GGA3: variants seen among roughly 807,000 people sequenced by gnomAD.
GGA3 encodes the protein golgi associated, gamma adaptin ear containing, ARF binding protein 3.
GGA3 carries 57 observed loss-of-function variants against 77.5 expected under a neutral mutation model. That is an observed-to-expected ratio of 0.74 (90% CI 0.59 to 0.92). The LOEUF (loss-of-function observed/expected upper bound fraction) is 0.92. GGA3 is among the 40% of genes least tolerant of loss of function. GGA3 has a pLI of 0.00. For synonymous variants in GGA3, 416 were observed against 383.7 expected, an observed-to-expected ratio of 1.08 and a Z score of -0.98; for missense variants, 970 against 914.9, an observed-to-expected ratio of 1.06 and a Z score of -0.78.
At chr17:75,238,507 A>C in intron 16 of GGA3, 118 bp from the exon 17 acceptor site, 1 of 992,764 alleles carries the variant, frequency 1.0e-6, no homozygotes, top group Non-Finnish European at 1.5e-6. Flanking sequence ...ACCCCCAACC[A>C]TGCTCAGACA....
In GGA3 at chr17:75,241,452, T is replaced by C. The variant is rs1598397232; in HGVS notation, c.894A>G (p.Glu298=). ...RVINSYKTII[E]GQVINGEVAT... Reference sequence around the variant, plus strand: ...CCACCTCGCCATTGATGACCTGCCCTTCAATAATTGTTTTGTAAGAGTTGA... The same window carrying C: ...CCACCTCGCCATTGATGACCTGCCCCTCAATAATTGTTTTGTAAGAGTTGA... The change falls in exon 10 of 17, where the codon GAA becomes GAG. Residue 298 remains glutamate (E), a synonymous_variant. Coordinates refer to ENST00000537686, the MANE Select transcript of GGA3 (RefSeq NM_138619.4). 6.2e-7 allele frequency: 1 copy of C among 1,614,012 alleles called. No individual in the cohort carries two copies. The highest frequency in any genetic ancestry group is 8.5e-7 in the Non-Finnish European group (1 of 1,179,880).
At chr17:75,240,458 G>A in intron 11 of GGA3, 46 bp from the exon 12 acceptor site, 1 of 1,305,978 alleles carries the variant, frequency 7.7e-7, no homozygotes, top group Non-Finnish European at 1.1e-6. Context: ...TCTGAGCTAG[G>A]CAGCCCTAGC....
chr17:75,262,010 G>A (rs1310369047), upstream of GGA3: 4 of 1,600,512 alleles, frequency 2.5e-6, no homozygotes, highest in Non-Finnish European at 3.4e-6. Flanking sequence ...CAGCGGCGGG[G>A]GGGCGCTGCG....
Position 75,237,745 on chromosome 17 carries a change from A to G in GGA3, c.*534T>C. On this transcript the variant is annotated 3_prime_UTR_variant, in exon 17 of 17. Transcript: ENST00000537686. ...GGACTTTGCAGTATGCCAGTTCCTT[A>G]TTCTGGGCCAGGCACCTTCCTGGGC... 7.0e-7 allele frequency: 1 copy of G among 1,431,042 alleles called. No individual in the cohort carries two copies. The highest frequency in any genetic ancestry group is 9.1e-7 in the Non-Finnish European group (1 of 1,096,472). The allele number at this position is 1,431,042 out of a possible 1,614,324, so 88.6% of individuals were successfully genotyped here.
At position 75,242,164 on chromosome 17, in the gene GGA3, T is replaced by C; in HGVS notation, c.747+172A>G. On this transcript the variant is annotated intron_variant, in intron 8 of 16. Transcript: ENST00000537686. ...AAGTCAGCTGATCCCAGGAGGCAAA[T>C]GGGGACGCCACCCTCTACTGACGTG... is the stretch of plus-strand genomic sequence containing the variant. 6 of 711,104 alleles carry C rather than the reference T, an allele frequency of 8.4e-6. No homozygotes were observed. The South Asian group carries it at 8.6e-5, about 10-fold the overall frequency. 44.0% of individuals were successfully genotyped at this position (711,104 alleles called of 1,614,324 possible). A position where few individuals can be genotyped will look rare whatever the true frequency, so the allele number is the denominator to read the frequency against.
At chr17:75,262,141 T>C, upstream of GGA3, 1 of 856,580 alleles carries the variant, frequency 1.2e-6, no homozygotes, top group Middle Eastern at 3.5e-4. Flanking sequence ...AATCCGAAGG[T>C]TTAGTGACTA....
chr17:75,251,824 T>C lies in GGA3; in HGVS notation c.41-5028A>G, dbSNP rs369574925. On this transcript the variant is annotated intron_variant, in intron 1 of 16. Coordinates refer to ENST00000537686, the MANE Select transcript of GGA3 (RefSeq NM_138619.4). ...TCTCACTCTGTCACTCAGGCAAGAG[T>C]GCAGTGGTGCGATCATGGCTTCACT... 4.6e-5 allele frequency among the ~76,000 whole-genome samples: 7 copies of C among 151,008 alleles called. No individual in the cohort carries two copies. The East Asian group carries it at 1.2e-3, about 25-fold the overall frequency.
At chr17:75,241,171 A>C (rs2076542086) in intron 10 of GGA3, 114 bp from the exon 11 acceptor site, 2 of 1,252,504 alleles carry the variant, frequency 1.6e-6, no homozygotes, top group Non-Finnish European at 1.2e-6. Flanking sequence ...GCCTAATCCA[A>C]CGGCATCTCT....
intron 16 of GGA3, 103 bp from the exon 17 acceptor site, chr17:75,238,492 C>A: frequency 9.2e-7 from 1 of 1,092,636 alleles, no homozygotes; most frequent in South Asian, 1.4e-5. Context: ...TCCCTTTTCC[C>A]CGCAACCCCC....
intron 3 of GGA3, among the ~76,000 whole-genome samples, chr17:75,245,941 G>A (rs1040177125): frequency 3.3e-5 from 5 of 152,174 alleles, no homozygotes; most frequent in African/African-American, 9.7e-5. Context: ...CTAGAGCCCC[G>A]GATTCCTCAG....
intron 4 of GGA3, 122 bp downstream of exon 4, chr17:75,244,497 A>T: frequency 1.4e-6 from 1 of 739,710 alleles, no homozygotes; most frequent in Non-Finnish European, 2.4e-6. Flanking sequence ...CTCTCTAAGG[A>T]CAAGACACAA....
chr17:75,247,323 C>T (rs1249264714), intron 1 of GGA3, among the ~76,000 whole-genome samples: 11 of 151,196 alleles, frequency 7.3e-5, no homozygotes. Context: ...AGTACAGTGG[C>T]ACGATCTCGG....
At position 75,243,078 on chromosome 17, in the gene GGA3, A is replaced by C. The variant is rs774823114; in HGVS notation, c.513T>G (p.Asp171Glu). The change falls in exon 6 of 17, where the codon GAT becomes GAG. Residue 171 changes from aspartate (D) to glutamate (E), a missense_variant. Physicochemically the swap from Asp to Glu is conservative, Grantham distance 45. Coordinates refer to ENST00000537686, the MANE Select transcript of GGA3 (RefSeq NM_138619.4). ...PPRPKNPVFDDEEKSKLLAKL... is the reference protein window; with the variant it reads ...PPRPKNPVFDEEEKSKLLAKL... ...TGTCCTTTACCTTGGACTTCTCCTC[A>C]TCATCAAAAACAGGGTTTTTGGGAC... The C allele has an allele frequency of 6.2e-6, 10 of 1,611,892 alleles. No homozygotes were observed. The highest frequency in any genetic ancestry group is 1.3e-5 in the African/African-American group (1 of 74,834).
intron 1 of GGA3, among the ~76,000 whole-genome samples, chr17:75,258,616 G>C (rs894791322): frequency 2.6e-5 from 4 of 152,316 alleles, no homozygotes; most frequent in East Asian, 1.9e-4. Context: ...GTTGCAGTGA[G>C]CCGAGATTGT....
intron 13 of GGA3, 35 bp from the exon 14 acceptor site, chr17:75,239,606 A>T (rs2076457434): frequency 6.6e-7 from 1 of 1,513,338 alleles, no homozygotes; most frequent in African/African-American, 1.4e-5. Flanking sequence ...CACGTCAGAG[A>T]GCCAGCCAGA....
At chr17:75,241,931 C>T in intron 8 of GGA3, 4 of 579,780 alleles carry the variant, frequency 6.9e-6, no homozygotes, top group South Asian at 2.0e-5. Context: ...AAGTCAGTCC[C>T]CTCCTGCCTT....
chr17:75,251,101 A>C (rs917209315), intron 1 of GGA3, among the ~76,000 whole-genome samples: 3 of 152,032 alleles, frequency 2.0e-5, no homozygotes, highest in African/African-American at 7.3e-5. Context: ...AATCTACGTA[A>C]CAAATGACTT....
In GGA3 at chr17:75,261,575, C is replaced by A; in HGVS notation, c.13G>T (p.Glu5Ter). 2 of 1,555,984 alleles carry A rather than the reference C, an allele frequency of 1.3e-6. No individual in the cohort carries two copies. Among genetic ancestry groups the A allele is most frequent in the African/African-American group, 1.4e-5 (1 of 72,432 alleles). Residue 5 changes from glutamate to a stop codon, truncating the protein, a stop_gained, in exon 1 of 17, where the codon GAA (glutamate) becomes TAA (stop). Coordinates refer to ENST00000537686, the MANE Select transcript of GGA3 (RefSeq NM_138619.4). LOFTEE classifies it high-confidence loss of function. MAEA[E>*]GESLESWLNK... ...AGCCAGGACTCCAGGCTTTCCCCTT[C>A]CGCCTCCGCCATATTGCAGCCGCCC... is the stretch of plus-strand genomic sequence containing the variant.
chr17:75,260,616 A>G (rs1032402372), intron 1 of GGA3, among the ~76,000 whole-genome samples: 2 of 152,170 alleles, frequency 1.3e-5, no homozygotes, highest in African/African-American at 4.8e-5. Context: ...AAGCAGTACT[A>G]AATAAGAGAC....
Sources: allele counts gnomAD v4.1 joint callset (sites outside exome capture counted in the v4.1 genomes callset), GRCh38; gene constraint gnomAD v4.1.1; transcripts MANE v1.5; gene names NCBI Gene and HGNC (gene_info 2026-07-23, HGNC 2026-07-21).